CDH1: variants seen among roughly 807,000 people sequenced by gnomAD.
CDH1 encodes the protein cadherin 1.
Under a neutral mutation model 84.5 loss-of-function variants are expected in CDH1, and 35 were observed. That is an observed-to-expected ratio of 0.41 (90% CI 0.32 to 0.55). CDH1 has a LOEUF of 0.55. Among genes scored for constraint, CDH1 ranks in the 20% least tolerant of loss-of-function variants. CDH1 has a pLI of 0.19. For synonymous variants in CDH1, 417 were observed against 439.0 expected (o/e 0.95, Z 0.63); for missense variants, 994 against 1,126.6 (o/e 0.88, Z 1.68).
At chr16:68,806,004 G>A (rs539945856) in intron 3 of CDH1, among the ~76,000 whole-genome samples, 3 of 152,220 alleles carry the variant, frequency 2.0e-5, no homozygotes, top group East Asian at 1.9e-4. Context: ...TTGGAGTGCA[G>A]TGACACAATC....
chr16:68,806,114 AT>A (rs1960648453), intron 3 of CDH1, among the ~76,000 whole-genome samples: 1 of 142,400 alleles, frequency 7.0e-6, no homozygotes, highest in Non-Finnish European at 1.5e-5. Flanking sequence ...TGCCTGGCTA[AT>A]TTTTGTATAT....
intron 2 of CDH1, among the ~76,000 whole-genome samples, chr16:68,775,935 A>T (rs925625729): frequency 3.9e-5 from 6 of 152,154 alleles, no homozygotes; most frequent in African/African-American, 1.4e-4. Context: ...GAAAGTTAGG[A>T]GGGAAGATTG....
chr16:68,806,125 T>TTTC (rs1354687533), intron 3 of CDH1, among the ~76,000 whole-genome samples: 8 of 27,160 alleles, frequency 2.9e-4, no homozygotes, highest in African/African-American at 8.4e-4. Flanking sequence ...TTTTTGTATA[T>TTTC]TTATTTATTT....
chr16:68,799,973 G>A (rs1252470149), intron 2 of CDH1, among the ~76,000 whole-genome samples: 1 of 151,066 alleles, frequency 6.6e-6, no homozygotes, highest in African/African-American at 2.4e-5. Context: ...TCGTGCCACT[G>A]CACTCCAGCC....
chr16:68,741,703 G>C lies in CDH1; in HGVS notation c.163+3292G>C, dbSNP rs1437581122. On this transcript the variant is annotated intron_variant, in intron 2 of 15. Coordinates refer to ENST00000261769, the MANE Select transcript of CDH1 (RefSeq NM_004360.5). ...ATAAACCAGTTTTTGTTTTGAGACG[G>C]AGTTTTGCTCTTGCCGCCCAGCCTG... Among the ~76,000 whole-genome samples, 165 of 151,986 alleles carry C rather than the reference G, an allele frequency of 1.1e-3. 1 individual carries two copies. The highest frequency in any genetic ancestry group is 3.7e-3 in the African/African-American group (155 of 41,484).
rs112428136 is a variant in CDH1 at position 68,756,821 on chromosome 16, A to G, written c.163+18410A>G. 9.3e-3 allele frequency among the ~76,000 whole-genome samples: 1,412 copies of G among 152,214 alleles called. 17 individuals are homozygous for G. The highest frequency in any genetic ancestry group is 0.054 in the South Asian group (262 of 4,820). ...AAGTTGGAGACCAGATTGGGCAACA[A>G]AGGGAAACCCTGTCTCTACATACAA... On this transcript the variant is annotated intron_variant, in intron 2 of 15. Transcript: ENST00000261769.
At chr16:68,762,219 C>G (rs928915916) in intron 2 of CDH1, among the ~76,000 whole-genome samples, 1 of 152,204 alleles carries the variant, frequency 6.6e-6, no homozygotes, top group African/African-American at 2.4e-5. Flanking sequence ...TCATTTCTCT[C>G]TCAGGGCCAT....
In CDH1 at chr16:68,812,122, G is replaced by T. The variant is rs557444760; in HGVS notation, c.1009-13G>T. ...TTCCTGGTCCTGACTTGGTTGTGTC[G>T]ATCTCTCTGCAGAGTTTCCCTACGT... On this transcript the variant is annotated splice_polypyrimidine_tract_variant and intron_variant, in intron 7 of 15. Transcript: ENST00000261769. 1.9e-6 allele frequency: 3 copies of T among 1,613,948 alleles called. No individual in the cohort carries two copies. The highest frequency in any genetic ancestry group is 2.5e-6 in the Non-Finnish European group (3 of 1,179,972).
chr16:68,807,852 G>T (rs1333650334), intron 3 of CDH1, among the ~76,000 whole-genome samples: 2 of 152,106 alleles, frequency 1.3e-5, no homozygotes, highest in Non-Finnish European at 2.9e-5. Flanking sequence ...AGGCCACATT[G>T]CTTAAGCTTA....
At chr16:68,779,509 G>A (rs982630819) in intron 2 of CDH1, among the ~76,000 whole-genome samples, 1 of 152,148 alleles carries the variant, frequency 6.6e-6, no homozygotes, top group Non-Finnish European at 1.5e-5. Context: ...CTACCTTCTA[G>A]GCTGTTGTGA....
chr16:68,823,035 A>C (rs571606306), intron 12 of CDH1: 13 of 298,032 alleles, frequency 4.4e-5, no homozygotes, highest in Non-Finnish European at 7.6e-5. Context: ...CACCTGACCA[A>C]CCTTCACAGG....
At chr16:68,810,066 G>C in intron 5 of CDH1, 131 bp from the exon 6 acceptor site, 1 of 888,592 alleles carries the variant, frequency 1.1e-6, no homozygotes. Context: ...TGTGAGAAAA[G>C]TCACCCACTG....
chr16:68,794,028 G>GTTTTGT (rs1227286983), intron 2 of CDH1, among the ~76,000 whole-genome samples: 1 of 151,594 alleles, frequency 6.6e-6, no homozygotes, highest in Admixed American at 6.6e-5. Flanking sequence ...GTTGTCCATA[G>GTTTTGT]TTTTGTTTTT....
At chr16:68,792,035 CT>C (rs1960221815) in intron 2 of CDH1, among the ~76,000 whole-genome samples, 1 of 151,498 alleles carries the variant, frequency 6.6e-6, no homozygotes, top group African/African-American at 2.4e-5. Flanking sequence ...ATTCTCCTGC[CT>C]TACTCTCCCA....
At chr16:68,773,003 T>C (rs1422838838) in intron 2 of CDH1, among the ~76,000 whole-genome samples, 1 of 152,156 alleles carries the variant, frequency 6.6e-6, no homozygotes, top group African/African-American at 2.4e-5. Flanking sequence ...AAGAACTTCA[T>C]CGTAATACAT....
At chr16:68,809,887 AG>A (rs1239127372) in intron 5 of CDH1, among the ~76,000 whole-genome samples, 1 of 152,200 alleles carries the variant, frequency 6.6e-6, no homozygotes, top group Non-Finnish European at 1.5e-5. Flanking sequence ...AAAGGACCAG[AG>A]CAAGTTTCAC....
chr16:68,745,549 A>AATAT (rs1555510456), intron 2 of CDH1, among the ~76,000 whole-genome samples: 1 of 75,182 alleles, frequency 1.3e-5, no homozygotes, highest in African/African-American at 5.5e-5. Context: ...AAAAAAAAAA[A>AATAT]ATATATATAT....
intron 2 of CDH1, among the ~76,000 whole-genome samples, chr16:68,800,812 C>T (rs535071018): frequency 4.1e-4 from 62 of 152,344 alleles, no homozygotes; most frequent in African/African-American, 1.4e-3. Context: ...ACTCCCTTCT[C>T]CTCTGCCACT....
chr16:68,823,606 G>A lies in CDH1; in HGVS notation c.2144G>A (p.Gly715Glu), dbSNP rs1358094794. 1 of 1,612,458 alleles carries A rather than the reference G, an allele frequency of 6.2e-7. No homozygotes were observed. The part of the protein sequence containing the change: ...LQIPAILGIL[G>E]GILALLILIL... ...ATTCCTGCCATTCTGGGGATTCTTG[G>A]AGGAATTCTTGCTTTGCTAAGTAAG... The change falls in exon 13 of 16, where the codon GGA (glycine) becomes GAA (glutamate). Residue 715 changes from glycine (G) to glutamate (E), a missense_variant. This residue lies in a region of CDH1 where 769 missense variants were observed against 881.8 expected (regional missense o/e 0.87). Coordinates refer to ENST00000261769, the MANE Select transcript of CDH1 (RefSeq NM_004360.5).
Sources: gnomAD v4.1 joint callset for allele counts (sites outside exome capture counted in the v4.1 genomes callset) on GRCh38, gnomAD v4.1.1 for gene constraint, gnomAD v4.1.1 regional missense constraint, MANE v1.5 for transcripts, NCBI Gene and HGNC (gene_info 2026-07-23, HGNC 2026-07-21) for gene names.